NCAPH: variants seen among roughly 807,000 people sequenced by gnomAD.
NCAPH encodes condensin complex subunit 2.
A neutral mutation model predicts 85.5 loss-of-function variants in NCAPH; 38 were observed. The observed-to-expected ratio is 0.44, with a 90% CI of 0.34 to 0.58. NCAPH has a LOEUF of 0.58. NCAPH is among the 20% of genes least tolerant of loss of function. The pLI, the probability that NCAPH is intolerant of heterozygous loss-of-function variation, is 0.01. For synonymous variants in NCAPH, 301 were observed against 335.1 expected (o/e 0.90, Z 1.11); for missense variants, 789 against 916.6 (o/e 0.86, Z 1.80).
intron 9 of NCAPH, among the ~76,000 whole-genome samples, chr2:96,356,173 A>C (rs1441025604): frequency 6.6e-6 from 1 of 151,806 alleles, no homozygotes; most frequent in African/African-American, 2.4e-5. Flanking sequence ...AAAATCTTAG[A>C]CTCTATCCTA....
Position 96,374,373 on chromosome 2 carries a change from T to C in NCAPH, c.*1022T>C, listed in dbSNP as rs1169740252. Reference sequence around the variant, plus strand: ...AGCACACACACAAATGTACAAGTTCTTCCCCTAACCTCAGAGGAATAGGGG... The same window carrying C: ...AGCACACACACAAATGTACAAGTTCCTCCCCTAACCTCAGAGGAATAGGGG... On this transcript the variant is annotated 3_prime_UTR_variant, in exon 18 of 18. Coordinates refer to ENST00000240423, the MANE Select transcript of NCAPH (RefSeq NM_015341.5). 6.6e-6 allele frequency among the ~76,000 whole-genome samples: 1 copy of C among 152,198 alleles called. No individual in the cohort carries two copies. Among genetic ancestry groups the C allele is most frequent in the Non-Finnish European group, 1.5e-5 (1 of 68,044 alleles).
At chr2:96,343,674 G>A (rs935016086) in intron 5 of NCAPH, among the ~76,000 whole-genome samples, 7 of 151,332 alleles carry the variant, frequency 4.6e-5, no homozygotes, top group Admixed American at 1.3e-4. Context: ...AGAGAACTGC[G>A]TGTTTTTTGT....
rs781643225 is a variant in NCAPH, at chr2:96,364,461, G to T, written c.1588-20G>T. 5 of 1,499,806 alleles carry T rather than the reference G, an allele frequency of 3.3e-6. No individual in the cohort carries two copies. The highest frequency in any genetic ancestry group is 1.8e-6 in the Non-Finnish European group (2 of 1,081,834). 92.9% of individuals were successfully genotyped at this position (1,499,806 alleles called of 1,614,324 possible). ...GTAGCTTTTAACAAAATAGCTTTCT[G>T]CATTTATTCTTTCCTTTAGTTACTT... On this transcript the variant is annotated intron_variant, in intron 12 of 17. Transcript: ENST00000240423.
chr2:96,374,548 A>G lies in NCAPH; in HGVS notation c.*1197A>G, dbSNP rs1359940356. ...ATATAGGCCAGAAGCAGTGAAGTAT[A>G]TAATTGGAAATTGCTCCTGATAATA... On this transcript the variant is annotated 3_prime_UTR_variant, in exon 18 of 18. Transcript: ENST00000240423. 6.6e-6 allele frequency among the ~76,000 whole-genome samples: 1 copy of G among 152,358 alleles called. No individual in the cohort carries two copies. Among genetic ancestry groups the G allele is most frequent in the East Asian group, 1.9e-4 (1 of 5,194 alleles).
chr2:96,340,899 G>T, intron 1 of NCAPH, among the ~76,000 whole-genome samples: 1 of 146,132 alleles, frequency 6.8e-6, no homozygotes, highest in East Asian at 2.0e-4. Flanking sequence ...CTTGTTCCTT[G>T]ACCCCTTGTA....
intron 12 of NCAPH, 64 bp downstream of exon 12, chr2:96,360,774 A>G: frequency 1.0e-5 from 16 of 1,587,108 alleles, no homozygotes; most frequent in Non-Finnish European, 1.4e-5. Context: ...TATGACAGTT[A>G]GGCAGTGCCT....
chr2:96,364,812 G>A (rs890774982), intron 13 of NCAPH, among the ~76,000 whole-genome samples: 15 of 152,176 alleles, frequency 9.9e-5, no homozygotes, highest in African/African-American at 3.4e-4. Flanking sequence ...CTACATGCAG[G>A]AAGCAAATGG....
intron 17 of NCAPH, among the ~76,000 whole-genome samples, chr2:96,372,002 A>G (rs1412853640): frequency 6.6e-6 from 1 of 152,188 alleles, no homozygotes; most frequent in Non-Finnish European, 1.5e-5. Flanking sequence ...GTGTGCAACT[A>G]CCAGAACCTG....
rs1168154979 is a variant in NCAPH, at chr2:96,354,278, TGGGTCCCTG to T, written c.1102_1110del (p.Ser368_Gly370del). The T allele has an allele frequency of 3.7e-6, 6 of 1,614,042 alleles. No homozygotes were observed. The highest frequency in any genetic ancestry group is 5.1e-6 in the Non-Finnish European group (6 of 1,179,990). On this transcript the variant is annotated inframe_deletion, in exon 9 of 18. Coordinates refer to ENST00000240423, the MANE Select transcript of NCAPH (RefSeq NM_015341.5). ...AGAGTGACTGTGGAGACTTCCCCGA[TGGGTCCCTG>T]GGGGATGACTTTGATGCCAACGATG...
chr2:96,366,234 A>G (rs2064697809), intron 14 of NCAPH, among the ~76,000 whole-genome samples, 176 bp downstream of exon 14: 1 of 152,212 alleles, frequency 6.6e-6, no homozygotes, highest in African/African-American at 2.4e-5. Context: ...TTTGTGTGGA[A>G]CTGACCATCT....
intron 7 of NCAPH, 102 bp from the exon 8 acceptor site, chr2:96,353,202 CTG>C (rs2064470570): frequency 1.1e-6 from 1 of 883,852 alleles, no homozygotes. Context: ...AGTGAGGTAA[CTG>C]TGCCTCTCAT....
Position 96,360,256 on chromosome 2 carries a change from A to G in NCAPH, c.1464+7A>G. ...ATATTTTAGAAAAACAAAGGTTTGT[A>G]CTGAATTTATTAGGATTGTGCTTAC... On this transcript the variant is annotated splice_region_variant and intron_variant, in intron 11 of 17. Coordinates refer to ENST00000240423, the MANE Select transcript of NCAPH (RefSeq NM_015341.5). 7.2e-7 allele frequency: 1 copy of G among 1,390,912 alleles called. No individual in the cohort carries two copies. Among genetic ancestry groups the G allele is most frequent in the South Asian group, 1.2e-5 (1 of 82,480 alleles). 86.2% of individuals were successfully genotyped at this position (1,390,912 alleles called of 1,614,324 possible).
At chr2:96,351,272 C>T (rs769247673) in intron 6 of NCAPH, among the ~76,000 whole-genome samples, 3 of 152,218 alleles carry the variant, frequency 2.0e-5, no homozygotes, top group Admixed American at 6.5e-5. Flanking sequence ...CCATTTGACA[C>T]AGTGTACACT....
chr2:96,365,846 A>T, intron 13 of NCAPH, 30 bp from the exon 14 acceptor site: 4 of 1,613,464 alleles, frequency 2.5e-6, no homozygotes, highest in Non-Finnish European at 3.4e-6. Flanking sequence ...TGCAGCGTCC[A>T]CCAAACTCGA....
intron 1 of NCAPH, among the ~76,000 whole-genome samples, chr2:96,338,930 C>T (rs2064252519): frequency 6.6e-6 from 1 of 152,196 alleles, no homozygotes; most frequent in South Asian, 2.1e-4. Flanking sequence ...TCTGTCTCAG[C>T]CTCCCAAGTA....
At chr2:96,360,473 T>G in intron 11 of NCAPH, 115 bp from the exon 12 acceptor site, 2 of 1,239,298 alleles carry the variant, frequency 1.6e-6, no homozygotes, top group African/African-American at 1.5e-5. Context: ...CATAGAACTG[T>G]GAGACTGATG....
rs139431721 is a variant in NCAPH, at chr2:96,341,678, C to A, written c.56C>A (p.Thr19Lys). The A allele has an allele frequency of 3.1e-6, 5 of 1,614,112 alleles. No homozygotes were observed. Among genetic ancestry groups the A allele is most frequent in the Non-Finnish European group, 4.2e-6 (5 of 1,179,990 alleles). ...ACAATGAATAACTCTTCTTCAGAGA[C>A]GCGAGGACACCCCCACAGTGCCTCC... ...PATMNNSSSE[T>K]RGHPHSASSP... Residue 19 changes from threonine to lysine, a missense_variant, in exon 2 of 18, where the codon ACG becomes AAG. Physicochemically the swap from Thr to Lys is moderately conservative, Grantham distance 78. Transcript: ENST00000240423.
chr2:96,362,042 C>T (rs896044928), intron 12 of NCAPH, among the ~76,000 whole-genome samples: 2 of 151,490 alleles, frequency 1.3e-5, no homozygotes, highest in Non-Finnish European at 2.9e-5. Flanking sequence ...TTACACCTGG[C>T]CTCACATTCT....
At chr2:96,372,648 C>G (rs1281593386) in intron 17 of NCAPH, among the ~76,000 whole-genome samples, 1 of 152,076 alleles carries the variant, frequency 6.6e-6, no homozygotes, top group Non-Finnish European at 1.5e-5. Flanking sequence ...CGTGGCTCTC[C>G]CATTAGTCAC....
Sources: gnomAD v4.1 joint callset for allele counts (sites outside exome capture counted in the v4.1 genomes callset) on GRCh38, gnomAD v4.1.1 for gene constraint, MANE v1.5 for transcripts, NCBI Gene and HGNC (gene_info 2026-07-23, HGNC 2026-07-21) for gene names.